VPS13B: variants seen among roughly 807,000 people sequenced by gnomAD.
VPS13B encodes the protein intermembrane lipid transfer protein VPS13B.
In VPS13B, 285 loss-of-function variants were observed where a neutral mutation model predicts 426.4. The observed-to-expected ratio is 0.67, with a 90% CI of 0.61 to 0.74. The LOEUF is 0.74. Ranked by LOEUF, VPS13B falls within the 30% of genes least tolerant of loss-of-function variation. The pLI is 0.00. For missense variants in VPS13B, 4,537 were observed against 4,782.6 expected (o/e 0.95, Z 1.51); for synonymous variants, 1,676 against 1,676.4 (o/e 1.00, Z 0.01).
intron 3 of VPS13B, among the ~76,000 whole-genome samples, chr8:99,082,675 C>T (rs1008419475): frequency 6.6e-6 from 1 of 152,190 alleles, no homozygotes; most frequent in African/African-American, 2.4e-5. Context: ...CAGCTTTCTA[C>T]ATATGGCTAG....
chr8:99,216,489 CATGAATGAATGA>C (rs149012332), intron 17 of VPS13B, among the ~76,000 whole-genome samples: 8 of 151,284 alleles, frequency 5.3e-5, no homozygotes, highest in African/African-American at 9.7e-5. Flanking sequence ...TAGCATATCA[CATGAATGAATGA>C]ATGAATGAAT....
chr8:99,246,145 A>G (rs1285223413), intron 17 of VPS13B, among the ~76,000 whole-genome samples: 2 of 152,216 alleles, frequency 1.3e-5, no homozygotes, highest in African/African-American at 4.8e-5. Flanking sequence ...CAAGAACACA[A>G]GTTTTAACTG....
chr8:99,715,775 C>T (rs1832892922), intron 36 of VPS13B, among the ~76,000 whole-genome samples: 1 of 152,138 alleles, frequency 6.6e-6, no homozygotes, highest in East Asian at 1.9e-4. Flanking sequence ...TAAGGCTATA[C>T]TTTTATGCCT....
intron 19 of VPS13B, among the ~76,000 whole-genome samples, chr8:99,368,367 T>C (rs771402689): frequency 3.3e-5 from 5 of 152,218 alleles, no homozygotes; most frequent in Non-Finnish European, 7.3e-5. Flanking sequence ...GTATTTTAAA[T>C]GCTTCTCAAT....
At position 99,720,993 on chromosome 8, in the gene VPS13B, T is replaced by C. The variant is rs1833107747; in HGVS notation, c.6996T>C (p.Phe2332=). 3 of 1,613,940 alleles carry C rather than the reference T, an allele frequency of 1.9e-6. No homozygotes were observed. Among genetic ancestry groups the C allele is most frequent in the Non-Finnish European group, 2.5e-6 (3 of 1,179,956 alleles). The change falls in exon 39 of 62, where the codon TTT becomes TTC. Residue 2332 remains phenylalanine, a synonymous_variant. Transcript: ENST00000357162. ...TTGTACGAATAACTCCTGTACCTTT[T>C]AACACCACAGAGGATCCAGATATTA... is the stretch of plus-strand genomic sequence containing the variant. ...LTLVRITPVP[F]NTTEDPDIST... is the part of the protein sequence containing the mutation.
intron 19 of VPS13B, among the ~76,000 whole-genome samples, chr8:99,375,228 C>T (rs1329744986): frequency 6.6e-6 from 1 of 152,180 alleles, no homozygotes; most frequent in African/African-American, 2.4e-5. Flanking sequence ...CAGTTATTTT[C>T]TTCTTATCAA....
chr8:99,749,686 A>T (rs1455428194), intron 39 of VPS13B, among the ~76,000 whole-genome samples: 1 of 152,136 alleles, frequency 6.6e-6, no homozygotes, highest in Non-Finnish European at 1.5e-5. Flanking sequence ...TATTGTAAAT[A>T]GTGCTGCAAT....
intron 19 of VPS13B, among the ~76,000 whole-genome samples, chr8:99,310,434 A>G (rs972243971): frequency 1.3e-5 from 2 of 152,126 alleles, no homozygotes; most frequent in African/African-American, 4.8e-5. Context: ...TTCTGCATCT[A>G]TTGAGATAAT....
intron 52 of VPS13B, 74 bp downstream of exon 52, chr8:99,832,726 A>G: frequency 6.6e-7 from 1 of 1,510,910 alleles, no homozygotes; most frequent in Non-Finnish European, 9.1e-7. Flanking sequence ...GCCAAGAGAG[A>G]TACAATGGTC....
At chr8:99,739,904 A>T (rs542427341) in intron 39 of VPS13B, among the ~76,000 whole-genome samples, 4 of 152,316 alleles carry the variant, frequency 2.6e-5, no homozygotes, top group African/African-American at 9.6e-5. Context: ...AAACTCTAAA[A>T]ATCGGAGCAC....
At chr8:99,418,524 CTTTCTCTTTCTTTT>C (rs1816190196) in intron 21 of VPS13B, among the ~76,000 whole-genome samples, 2 of 117,120 alleles carry the variant, frequency 1.7e-5, no homozygotes, top group Non-Finnish European at 3.5e-5. Context: ...TCCTTTCTTT[CTTTCTCTTTCTTTT>C]CTTTTCTTTT....
At chr8:99,556,095 A>T (rs1184706263) in intron 30 of VPS13B, among the ~76,000 whole-genome samples, 1 of 152,286 alleles carries the variant, frequency 6.6e-6, no homozygotes, top group East Asian at 1.9e-4. Context: ...CTGTCTTTCA[A>T]ACTCTGTGAA....
At chr8:99,067,286 A>T (rs1370028482) in intron 3 of VPS13B, among the ~76,000 whole-genome samples, 2 of 152,346 alleles carry the variant, frequency 1.3e-5, no homozygotes, top group East Asian at 3.9e-4. Context: ...AATGTGGCAC[A>T]TATACACCAT....
rs2130813249 is a variant in VPS13B, at chr8:99,818,541, G to A, written c.8445+7G>A. On this transcript the variant is annotated splice_region_variant and intron_variant, in intron 46 of 61. Coordinates refer to ENST00000357162, the MANE Select transcript of VPS13B (RefSeq NM_152564.5). ...TCAAGTGCAACAACGAATGGTGAGTGCTTTCCCAATCCTAAAATATGGTAT... is the reference window on the plus strand; with the variant it reads ...TCAAGTGCAACAACGAATGGTGAGTACTTTCCCAATCCTAAAATATGGTAT... 1 of 1,613,720 alleles carries A rather than the reference G, an allele frequency of 6.2e-7. No individual in the cohort carries two copies. Among genetic ancestry groups the A allele is most frequent in the Non-Finnish European group, 8.5e-7 (1 of 1,179,714 alleles).
chr8:99,479,387 A>G (rs1043965939), intron 24 of VPS13B, among the ~76,000 whole-genome samples: 4 of 152,222 alleles, frequency 2.6e-5, no homozygotes, highest in African/African-American at 7.2e-5. Flanking sequence ...GTTGATATTC[A>G]GACACCTTCA....
At chr8:99,434,728 G>C (rs957202767) in intron 22 of VPS13B, among the ~76,000 whole-genome samples, 3 of 152,136 alleles carry the variant, frequency 2.0e-5, no homozygotes, top group African/African-American at 7.2e-5. Flanking sequence ...AGAGAAGAAT[G>C]GGGGGAAGAA....
intron 2 of VPS13B, among the ~76,000 whole-genome samples, chr8:99,014,692 C>CAAAAAAAAAA (rs574786628): frequency 4.9e-5 from 3 of 61,204 alleles, no homozygotes; most frequent in Non-Finnish European, 7.9e-5. Context: ...GAAAAAAAGA[C>CAAAAAAAAAA]AAAAAAAAAA....
intron 35 of VPS13B, among the ~76,000 whole-genome samples, chr8:99,663,258 C>T (rs1197770289): frequency 6.6e-6 from 1 of 152,134 alleles, no homozygotes; most frequent in African/African-American, 2.4e-5. Flanking sequence ...GAGACTGAAA[C>T]CATCTCCACT....
intron 19 of VPS13B, among the ~76,000 whole-genome samples, chr8:99,368,481 A>G (rs1170563712): frequency 6.6e-6 from 1 of 152,152 alleles, no homozygotes; most frequent in Non-Finnish European, 1.5e-5. Flanking sequence ...TTCATAAATG[A>G]TTGTACCATT....
Sources: gnomAD v4.1 joint callset for allele counts (sites outside exome capture counted in the v4.1 genomes callset) on GRCh38, gnomAD v4.1.1 for gene constraint, MANE v1.5 for transcripts, NCBI Gene and HGNC (gene_info 2026-07-23, HGNC 2026-07-21) for gene names.